Variants in ING5 observed in about 807,000 individuals in gnomAD.
ING5 encodes inhibitor of growth family member 5, also known as inhibitor of growth protein 5.
A neutral mutation model predicts 37.4 loss-of-function variants in ING5; 17 were observed. The ratio of observed to expected loss-of-function variants is 0.45; its 90% CI spans 0.31 to 0.68. The LOEUF is 0.68. Among genes scored for constraint, ING5 ranks in the 30% least tolerant of loss-of-function variants. The pLI is 0.05. For synonymous variants in ING5, 123 were observed against 116.6 expected (o/e 1.06, Z -0.36); for missense variants, 233 against 311.9 (o/e 0.75, Z 1.91).
chr2:241,720,879 C>T, intron 5 of ING5: 1 of 985,714 alleles, frequency 1.0e-6, no homozygotes, highest in Non-Finnish European at 1.2e-6. Flanking sequence ...CCATGGCGCT[C>T]CCTCAGGCGA....
At chr2:241,689,896 T>C (rs144368777) in exon 2 of ING5, 1 of 141,680 alleles carries the variant, frequency 7.1e-6, no homozygotes, top group Admixed American at 7.2e-5. Flanking sequence ...GGGATTGTAG[T>C]AAGGAAGACC....
chr2:241,724,815 C>T (rs985869601), intron 7 of ING5, 174 bp from the exon 8 acceptor site: 10 of 623,330 alleles, frequency 1.6e-5, no homozygotes, highest in African/African-American at 9.2e-5. Flanking sequence ...TAGAGCCGCA[C>T]GTGCATCGGC....
At chr2:241,717,736 G>C (rs2070315317) in intron 5 of ING5, among the ~76,000 whole-genome samples, 1 of 150,492 alleles carries the variant, frequency 6.6e-6, no homozygotes, top group Non-Finnish European at 1.5e-5. Context: ...ATTGTCACTG[G>C]CTCTTAACAG....
chr2:241,688,083 A>C (rs2069478043), intron 1 of ING5: 1 of 152,216 alleles, frequency 6.6e-6, no homozygotes, highest in Non-Finnish European at 1.5e-5. Context: ...TTGTTATTTT[A>C]GATATCTAAA....
At chr2:241,711,283 A>G (rs1216465625) in intron 3 of ING5, 94 bp from the exon 4 acceptor site, 1 of 815,406 alleles carries the variant, frequency 1.2e-6, no homozygotes, top group African/African-American at 1.8e-5. Flanking sequence ...ATTAAAGGGC[A>G]AGAAGGTGTT....
intron 2 of ING5, chr2:241,690,725 G>T: frequency 2.5e-6 from 1 of 398,446 alleles, no homozygotes; most frequent in South Asian, 1.3e-4. Flanking sequence ...AGGTGAAATG[G>T]AGTTGGCCAC....
At chr2:241,691,451 C>A (rs937986564) in intron 2 of ING5, among the ~76,000 whole-genome samples, 7 of 147,846 alleles carry the variant, frequency 4.7e-5, no homozygotes, top group African/African-American at 1.6e-4. Context: ...AAAAAAAAAA[C>A]AAAAACAAAA....
chr2:241,723,817 C>T (rs758879463), intron 7 of ING5: 42 of 1,594,698 alleles, frequency 2.6e-5, no homozygotes, highest in Admixed American at 1.2e-4. Flanking sequence ...AACCTGTAGT[C>T]TGGGCAACAT....
At chr2:241,711,252 G>C in intron 3 of ING5, 125 bp from the exon 4 acceptor site, 1 of 551,418 alleles carries the variant, frequency 1.8e-6, no homozygotes, top group Non-Finnish European at 3.1e-6. Flanking sequence ...TTTTAGCAGA[G>C]GTTTGTTCAT....
intron 5 of ING5, among the ~76,000 whole-genome samples, chr2:241,717,213 T>TAC (rs933409271): frequency 2.1e-4 from 32 of 151,990 alleles, no homozygotes; most frequent in African/African-American, 7.5e-4. Flanking sequence ...TAGCTGAGAT[T>TAC]ACACCCACCT....
At chr2:241,693,316 G>T (rs1224970593) in intron 2 of ING5, among the ~76,000 whole-genome samples, 2 of 151,688 alleles carry the variant, frequency 1.3e-5, no homozygotes, top group Non-Finnish European at 2.9e-5. Context: ...TCACGTTGGG[G>T]GTCAGGGCTT....
chr2:241,724,519 C>T (rs1691528478), intron 7 of ING5: 3 of 175,408 alleles, frequency 1.7e-5, no homozygotes, highest in Non-Finnish European at 2.4e-5. Flanking sequence ...GCCCCTTGTG[C>T]GTGCAGCTCC....
exon 1 of ING5, chr2:241,687,100 G>T (rs778308266): frequency 1.0e-5 from 4 of 389,676 alleles, no homozygotes; most frequent in Non-Finnish European, 1.8e-5. Context: ...GGGCTGGACG[G>T]CCGGAGACGC....
intron 5 of ING5, among the ~76,000 whole-genome samples, chr2:241,715,821 A>G (rs986410287): frequency 6.7e-6 from 1 of 149,014 alleles, no homozygotes; most frequent in Admixed American, 6.8e-5. Flanking sequence ...TCTTTGCCCT[A>G]TAACTTATGT....
intron 2 of ING5, among the ~76,000 whole-genome samples, chr2:241,696,572 AC>A (rs1329786668): frequency 6.6e-6 from 1 of 150,524 alleles, no homozygotes; most frequent in African/African-American, 2.4e-5. Flanking sequence ...GAGTGCTTGA[AC>A]CCAGGAGTTG....
At chr2:241,723,533 C>T (rs774236253) in intron 7 of ING5, among the ~76,000 whole-genome samples, 9 of 152,370 alleles carry the variant, frequency 5.9e-5, no homozygotes, top group Admixed American at 1.3e-4. Flanking sequence ...TACCAGGTTA[C>T]GTGATATTCA....
chr2:241,720,672 C>T (rs963201775), intron 5 of ING5: 87 of 985,426 alleles, frequency 8.8e-5, no homozygotes, highest in African/African-American at 2.3e-4. Context: ...CGGAAGGGCT[C>T]GCTGGCACCG....
At chr2:241,695,557 G>A (rs1203624764) in intron 2 of ING5, among the ~76,000 whole-genome samples, 4 of 152,218 alleles carry the variant, frequency 2.6e-5, no homozygotes, top group Admixed American at 6.5e-5. Context: ...ATGATGGCAC[G>A]CGCCTGTAGT....
At chr2:241,720,268 C>G (rs2070397416) in intron 5 of ING5, 6 of 1,229,954 alleles carry the variant, frequency 4.9e-6, no homozygotes, top group Non-Finnish European at 5.1e-6. Context: ...GACCCATCAG[C>G]ACAGTGGGTA....
Sources: gnomAD v4.1 joint callset for allele counts (sites outside exome capture counted in the v4.1 genomes callset) on GRCh38, gnomAD v4.1.1 for gene constraint, MANE v1.5 for transcripts, NCBI Gene and HGNC (gene_info 2026-07-23, HGNC 2026-07-21) for gene names.